CCNT2: variants seen among roughly 807,000 people sequenced by gnomAD.
CCNT2 encodes cyclin-T2.
In CCNT2, 18 loss-of-function variants were observed where a neutral mutation model predicts 70.0. The observed-to-expected ratio is 0.26, with a 90% CI of 0.18 to 0.38. The LOEUF is 0.38. Ranked by LOEUF, CCNT2 falls within the 10% of genes least tolerant of loss-of-function variation. The pLI is 1.00. For missense variants in CCNT2, 734 were observed against 890.2 expected, an observed-to-expected ratio of 0.82 and a Z score of 2.23; for synonymous variants, 334 against 313.3, an observed-to-expected ratio of 1.07 and a Z score of -0.70.
chr2:134,930,577 GC>G (rs1680674376), intron 2 of CCNT2, among the ~76,000 whole-genome samples: 1 of 152,172 alleles, frequency 6.6e-6, no homozygotes, highest in Non-Finnish European at 1.5e-5. Flanking sequence ...TTTTTGGATA[GC>G]TTTTAAGAAA....
At chr2:134,919,924 A>C (rs73959211) in intron 2 of CCNT2, 33 bp downstream of exon 2, 2 of 1,446,154 alleles carry the variant, frequency 1.4e-6, no homozygotes, top group Non-Finnish European at 9.7e-7. Flanking sequence ...TACTGTCCGC[A>C]AATTTGAGGG....
intron 7 of CCNT2, 59 bp from the exon 8 acceptor site, chr2:134,952,582 A>T: frequency 9.8e-7 from 1 of 1,020,274 alleles, no homozygotes; most frequent in Non-Finnish European, 1.5e-6. Context: ...CTGCCCACTT[A>T]AGAGAAATTT....
intron 2 of CCNT2, chr2:134,920,510 A>G (rs898578538): frequency 6.6e-6 from 1 of 152,204 alleles, no homozygotes; most frequent in Non-Finnish European, 1.5e-5. Flanking sequence ...TTTACACCTG[A>G]ATATTAAGGT....
At chr2:134,942,862 A>G (rs904342993) in intron 5 of CCNT2, 188 bp downstream of exon 5, 1 of 1,378,660 alleles carries the variant, frequency 7.3e-7, no homozygotes, top group Non-Finnish European at 9.4e-7. Context: ...CTGGTATGTT[A>G]GCTTCCTTTA....
chr2:134,919,902 G>GT lies in CCNT2; in HGVS notation c.240+13dup, dbSNP rs67897534. The GT allele has an allele frequency of 5.3e-6, 8 of 1,508,012 alleles. No individual in the cohort carries two copies. Among genetic ancestry groups the GT allele is most frequent in the Middle Eastern group, 3.5e-4 (2 of 5,708 alleles). The allele number at this position is 1,508,012 out of a possible 1,614,324, so 93.4% of individuals were successfully genotyped here. ...AAATTCAACAAAAATGTAAGTACTA[G>GT]TTGTCTGTTTTTACTGTCCGCAAAT... On this transcript the variant is annotated intron_variant, in intron 2 of 8. Transcript: ENST00000264157.
chr2:134,919,782 CA>C, intron 1 of CCNT2, 27 bp from the exon 2 acceptor site: 1 of 1,543,726 alleles, frequency 6.5e-7, no homozygotes, highest in African/African-American at 1.4e-5. Context: ...TTGCTTTTGT[CA>C]GATATTTCCT....
In CCNT2 at chr2:134,939,052, A is replaced by G. The variant is rs749150961; in HGVS notation, c.420A>G (p.Leu140=). 2.9e-5 allele frequency: 47 copies of G among 1,608,358 alleles called. No individual in the cohort carries two copies. The East Asian group carries it at 1.1e-3, about 36-fold the overall frequency. The change falls in exon 4 of 9, where the codon CTA becomes CTG. Residue 140 remains leucine (L), a synonymous_variant. Transcript: ENST00000264157. ...QELVILETIM[L]QTLGFEITIE... ...TGGTTATACTTGAAACCATAATGCT[A>G]CAAACTCTAGGTACGTACTTACATC... is the stretch of plus-strand genomic sequence containing the variant.
chr2:134,956,290 CT>C lies in CCNT2; in HGVS notation c.*1645del, dbSNP rs886551489. ...TAGCAATTACCTAATTTGCCAGTAG[CT>C]TTATAATTTTTAAAGATAATTGTTC... On this transcript the variant is annotated 3_prime_UTR_variant, in exon 9 of 9. Transcript: ENST00000264157. 1 of 152,530 alleles carries C rather than the reference CT, an allele frequency of 6.6e-6. No homozygotes were observed. Among genetic ancestry groups the C allele is most frequent in the African/African-American group, 2.4e-5 (1 of 41,422 alleles). 9.4% of individuals were successfully genotyped at this position (152,530 alleles called of 1,614,324 possible).
chr2:134,947,978 T>A, intron 7 of CCNT2, 79 bp downstream of exon 7: 1 of 769,616 alleles, frequency 1.3e-6, no homozygotes, highest in African/African-American at 1.8e-5. Flanking sequence ...AAAGTGTCAG[T>A]ACACTATCAG....
rs16831162 is a variant in CCNT2 at position 134,935,820 on chromosome 2, T to A, written c.241-1021T>A. On this transcript the variant is annotated intron_variant, in intron 2 of 8. Transcript: ENST00000264157. ...AATTTACTAAGCTAAAAAAAAAAAA[T>A]TGCTAATTTATGGATCTCTGATTGG... Among the ~76,000 whole-genome samples the A allele has an allele frequency of 0.019, 2,922 of 152,066 alleles. 217 individuals carry two copies. In the East Asian group the frequency reaches 0.28, roughly 15 times the overall value.
intron 4 of CCNT2, among the ~76,000 whole-genome samples, chr2:134,940,150 C>T (rs569389408): frequency 6.6e-6 from 1 of 152,186 alleles, no homozygotes; most frequent in South Asian, 2.1e-4. Flanking sequence ...AATAGAAGTG[C>T]GATAAATCAG....
chr2:134,942,737 G>A, intron 5 of CCNT2, 63 bp downstream of exon 5: 13 of 1,457,618 alleles, frequency 8.9e-6, no homozygotes, highest in South Asian at 3.9e-5. Context: ...TAATTGATTT[G>A]GGTGCTATTT....
At chr2:134,945,429 T>G in intron 5 of CCNT2, 1 of 985,420 alleles carries the variant, frequency 1.0e-6, no homozygotes, top group South Asian at 4.7e-5. Context: ...AAAAATTGCC[T>G]TTCTGTTGGG....
chr2:134,939,617 T>C (rs993826574), intron 4 of CCNT2, among the ~76,000 whole-genome samples: 8 of 151,966 alleles, frequency 5.3e-5, no homozygotes, highest in Admixed American at 5.2e-4. Flanking sequence ...AGGTGCATAC[T>C]GCCACACCTG....
intron 1 of CCNT2, 65 bp downstream of exon 1, chr2:134,919,077 C>G: frequency 3.3e-6 from 5 of 1,504,560 alleles, no homozygotes; most frequent in Non-Finnish European, 4.4e-6. Flanking sequence ...GGCCTGGTGC[C>G]CCGCGAACAT....
intron 7 of CCNT2, among the ~76,000 whole-genome samples, chr2:134,950,093 G>A (rs567870816): frequency 6.6e-6 from 1 of 152,312 alleles, no homozygotes; most frequent in East Asian, 1.9e-4. Context: ...CACCCAGCCA[G>A]TAGGCATAAT....
intron 7 of CCNT2, among the ~76,000 whole-genome samples, chr2:134,949,058 C>T (rs181429696): frequency 4.7e-5 from 7 of 149,202 alleles, no homozygotes; most frequent in East Asian, 2.0e-4. Context: ...ACTCACTCTG[C>T]CCCCCAAGCT....
chr2:134,923,867 G>C (rs1680091776), intron 2 of CCNT2, among the ~76,000 whole-genome samples: 2 of 152,164 alleles, frequency 1.3e-5, no homozygotes, highest in Admixed American at 6.5e-5. Flanking sequence ...TTCAGAAGTA[G>C]AGCACAGTAG....
At chr2:134,949,272 G>A (rs1469602631) in intron 7 of CCNT2, among the ~76,000 whole-genome samples, 1 of 152,200 alleles carries the variant, frequency 6.6e-6, no homozygotes, top group Non-Finnish European at 1.5e-5. Flanking sequence ...TTGAGCCTCT[G>A]TGCCCCACCT....
Sources: allele counts gnomAD v4.1 joint callset (sites outside exome capture counted in the v4.1 genomes callset), GRCh38; gene constraint gnomAD v4.1.1; transcripts MANE v1.5; gene names NCBI Gene and HGNC (gene_info 2026-07-23, HGNC 2026-07-21).